The following RNF212B variants were observed in gnomAD, a reference collection of about 807,000 sequenced individuals.
RNF212B encodes the protein E3 ubiquitin-protein ligase RNF212B.
RNF212B carries 52 observed loss-of-function variants against 55.5 expected under a neutral mutation model. The ratio of observed to expected loss-of-function variants is 0.94; its 90% CI spans 0.75 to 1.18. RNF212B has a LOEUF of 1.18. RNF212B is among the 50% of genes most tolerant of loss of function. The pLI, the probability that RNF212B is intolerant of heterozygous loss-of-function variation, is 0.00. For synonymous variants in RNF212B, 99 were observed against 121.4 expected, an observed-to-expected ratio of 0.82 and a Z score of 1.21; for missense variants, 289 against 350.4, an observed-to-expected ratio of 0.82 and a Z score of 1.40.
chr14:23,194,490 C>T (rs1878442943), intron 2 of RNF212B, among the ~76,000 whole-genome samples: 1 of 152,060 alleles, frequency 6.6e-6, no homozygotes, highest in Non-Finnish European at 1.5e-5. Flanking sequence ...ATAATCCCAG[C>T]ACTTTGGGAG....
rs1037132280 is a variant in RNF212B, at chr14:23,240,414, C to A, written c.69C>A (p.Gly23=). The change falls in exon 2 of 15, where the codon GGC becomes GGA. Residue 23 remains glycine, a synonymous_variant. Coordinates refer to ENST00000430154, the MANE Select transcript of RNF212B (RefSeq NM_001282322.3). The part of the protein sequence containing the change: ...DGAHFFVTSC[G]HIFCKKCVTL... Reference sequence around the variant, plus strand: ...CCCATTTCTTTGTCACCAGCTGTGGCCATATTTTCTGTAAAAAGTGTGTGA... The same window carrying A: ...CCCATTTCTTTGTCACCAGCTGTGGACATATTTTCTGTAAAAAGTGTGTGA... 1.3e-6 allele frequency: 2 copies of A among 1,550,164 alleles called. No homozygotes were observed. The highest frequency in any genetic ancestry group is 4.9e-5 in the East Asian group (2 of 40,906).
At chr14:23,201,649 AT>A (rs886767091) in intron 2 of RNF212B, among the ~76,000 whole-genome samples, 5 of 152,170 alleles carry the variant, frequency 3.3e-5, no homozygotes, top group African/African-American at 9.7e-5. Flanking sequence ...ACAAGACACA[AT>A]TTATAATTTA....
intron 2 of RNF212B, among the ~76,000 whole-genome samples, chr14:23,221,085 C>A (rs530728170): frequency 4.0e-5 from 6 of 151,768 alleles, no homozygotes; most frequent in Non-Finnish European, 7.4e-5. Flanking sequence ...TGATCTGTCA[C>A]CTAGAAGAAA....
intron 2 of RNF212B, 80 bp downstream of exon 2, chr14:23,240,525 A>T: frequency 2.4e-6 from 2 of 842,028 alleles, no homozygotes; most frequent in Non-Finnish European, 3.8e-6. Context: ...TCTATGTGTG[A>T]CTTAGGATAA....
intron 2 of RNF212B, among the ~76,000 whole-genome samples, chr14:23,226,544 T>C (rs1445145155): frequency 6.6e-6 from 1 of 151,794 alleles, no homozygotes; most frequent in Non-Finnish European, 1.5e-5. Context: ...GGCAGGAGAA[T>C]GGGGTGAACC....
chr14:23,202,370 G>C (rs1223755983), intron 2 of RNF212B, among the ~76,000 whole-genome samples: 1 of 151,832 alleles, frequency 6.6e-6, no homozygotes, highest in Non-Finnish European at 1.5e-5. Flanking sequence ...TTAATTTATA[G>C]AGAAACTAAA....
intron 2 of RNF212B, among the ~76,000 whole-genome samples, chr14:23,194,065 C>T (rs149713765): frequency 0.052 from 7,957 of 152,248 alleles, 470 homozygotes; most frequent in African/African-American, 0.15. Context: ...TGGTCTGGAA[C>T]TCCTGACCTC....
chr14:23,271,478 T>C (rs951669493), intron 14 of RNF212B, among the ~76,000 whole-genome samples: 12 of 142,398 alleles, frequency 8.4e-5, no homozygotes, highest in Non-Finnish European at 1.4e-4. Flanking sequence ...AAAATAAAAG[T>C]CCAGTCTTGC....
intron 1 of RNF212B, among the ~76,000 whole-genome samples, chr14:23,187,511 G>GGTTAATATT (rs1368379103): frequency 2.6e-5 from 4 of 152,084 alleles, no homozygotes; most frequent in Non-Finnish European, 5.9e-5. Context: ...ACCACACCCG[G>GGTTAATATT]GTTAATATTC....
At chr14:23,254,289 AAACAAAACAAAAC>A (rs1884627784) in intron 4 of RNF212B, among the ~76,000 whole-genome samples, 2 of 82,136 alleles carry the variant, frequency 2.4e-5, no homozygotes, top group African/African-American at 8.9e-5. Context: ...TTTATCTCAA[AAACAAAACAAAAC>A]AAAACAAAAC....
intron 2 of RNF212B, among the ~76,000 whole-genome samples, chr14:23,231,834 G>A (rs1006407174): frequency 6.6e-6 from 1 of 152,238 alleles, no homozygotes; most frequent in African/African-American, 2.4e-5. Flanking sequence ...TGGAGAGGGG[G>A]TTTCGCTGTG....
chr14:23,268,526 C>T (rs1396067737), intron 11 of RNF212B, among the ~76,000 whole-genome samples: 2 of 152,132 alleles, frequency 1.3e-5, no homozygotes, highest in East Asian at 3.8e-4. Context: ...TTTCTCATTG[C>T]TTTTATGGAG....
chr14:23,243,276 A>G lies in RNF212B; in HGVS notation c.121A>G (p.Thr41Ala). The change falls in exon 3 of 15, where the codon ACT becomes GCT. Residue 41 changes from threonine to alanine, a missense_variant. By Grantham distance (58) the Thr-to-Ala change is moderately conservative. Transcript: ENST00000430154. ...VTLEKCAVCGTACKHLALSDN... is the reference protein window; with the variant it reads ...VTLEKCAVCGAACKHLALSDN... ...CCCAGAAAAATGTGCTGTTTGTGGAACTGCCTGCAAGCATCTGGCTCTTTC... is the reference window on the plus strand; with the variant it reads ...CCCAGAAAAATGTGCTGTTTGTGGAGCTGCCTGCAAGCATCTGGCTCTTTC... The G allele has an allele frequency of 1.1e-5, 17 of 1,550,312 alleles. No homozygotes were observed. The highest frequency in any genetic ancestry group is 1.4e-5 in the Non-Finnish European group (16 of 1,146,976).
intron 2 of RNF212B, among the ~76,000 whole-genome samples, chr14:23,208,821 C>T (rs1235828646): frequency 8.5e-6 from 1 of 117,962 alleles, no homozygotes; most frequent in East Asian, 3.0e-4. Flanking sequence ...TGCAATGGCG[C>T]GATCTCAGGT....
intron 4 of RNF212B, among the ~76,000 whole-genome samples, chr14:23,257,288 T>A (rs1160993266): frequency 2.0e-5 from 3 of 152,230 alleles, no homozygotes; most frequent in Non-Finnish European, 4.4e-5. Context: ...TTCCTGAGTC[T>A]CTGAGATTAT....
intron 2 of RNF212B, among the ~76,000 whole-genome samples, chr14:23,215,127 T>C (rs1282748348): frequency 6.6e-6 from 1 of 152,156 alleles, no homozygotes; most frequent in Non-Finnish European, 1.5e-5. Flanking sequence ...ACTGTTCTCA[T>C]GATGGTGAGT....
chr14:23,208,966 G>T (rs543239111), intron 2 of RNF212B, among the ~76,000 whole-genome samples: 1 of 151,308 alleles, frequency 6.6e-6, no homozygotes, highest in African/African-American at 2.4e-5. Flanking sequence ...CATCGTGTTA[G>T]CCGGGATGGT....
At chr14:23,191,774 C>A (rs1222522850) in intron 1 of RNF212B, among the ~76,000 whole-genome samples, 1 of 152,070 alleles carries the variant, frequency 6.6e-6, no homozygotes, top group African/African-American at 2.4e-5. Context: ...CAAACAAAAC[C>A]TTTGCTTGTT....
At chr14:23,223,126 G>A (rs1178055361) in intron 2 of RNF212B, among the ~76,000 whole-genome samples, 1 of 151,422 alleles carries the variant, frequency 6.6e-6, no homozygotes, top group Admixed American at 6.6e-5. Context: ...ATGCAAGGAT[G>A]GTTCAGATAT....
Sources: allele counts gnomAD v4.1 joint callset (sites outside exome capture counted in the v4.1 genomes callset), GRCh38; gene constraint gnomAD v4.1.1; transcripts MANE v1.5; gene names NCBI Gene and HGNC (gene_info 2026-07-23, HGNC 2026-07-21).